LDB3: variants seen among roughly 807,000 people sequenced by gnomAD.
LDB3 encodes LIM domain binding 3.
LDB3 carries 49 observed loss-of-function variants against 69.0 expected under a neutral mutation model. That is an observed-to-expected ratio of 0.71 (90% CI 0.56 to 0.90). LDB3 has a LOEUF of 0.90. Among genes scored for constraint, LDB3 ranks in the 40% least tolerant of loss-of-function variants. The pLI, the probability that LDB3 is intolerant of heterozygous loss-of-function variation, is 0.00. For synonymous variants in LDB3, 387 were observed against 396.2 expected (o/e 0.98, Z 0.28); for missense variants, 928 against 974.1 (o/e 0.95, Z 0.63).
chr10:86,688,553 T>C (rs1402044282), intron 5 of LDB3, among the ~76,000 whole-genome samples: 1 of 152,220 alleles, frequency 6.6e-6, no homozygotes, highest in Non-Finnish European at 1.5e-5. Flanking sequence ...TCAGGGCTGC[T>C]GCTCTTCGCC....
At chr10:86,673,915 A>G (rs2803561) in intron 2 of LDB3, among the ~76,000 whole-genome samples, 101,023 of 152,114 alleles carry the variant, frequency 0.66, 33,673 homozygotes, top group East Asian at 0.78. Context: ...GGGAACTGGG[A>G]AAATAGGAGC....
chr10:86,730,485 G>C (rs954485112), intron 13 of LDB3, among the ~76,000 whole-genome samples: 5 of 152,210 alleles, frequency 3.3e-5, no homozygotes, highest in Admixed American at 6.5e-5. Flanking sequence ...AACTCAGAGG[G>C]CTACATCTGT....
chr10:86,680,467 C>A (rs1845052459), intron 4 of LDB3, among the ~76,000 whole-genome samples: 1 of 152,214 alleles, frequency 6.6e-6, no homozygotes. Context: ...GAGGGGTCAC[C>A]CTCCTGGCCA....
chr10:86,680,952 A>G (rs1319394012), intron 4 of LDB3, among the ~76,000 whole-genome samples: 1 of 152,164 alleles, frequency 6.6e-6, no homozygotes, highest in Non-Finnish European at 1.5e-5. Flanking sequence ...GCAGAGGTAG[A>G]CTGAGGGGCC....
In LDB3 at chr10:86,710,051, G is replaced by A; in HGVS notation, c.1231+1G>A. The stretch of plus-strand genomic sequence containing the variant: ...ATCCGGCCTTCTGTCTACCAGCCAG[G>A]TAAGAGGCAGAGCAGGAGGGGAGGC... On this transcript the variant is annotated splice_donor_variant, in intron 9 of 13. Transcript: ENST00000361373. LOFTEE classifies it high-confidence loss of function. The A allele has an allele frequency of 6.2e-7, 1 of 1,612,532 alleles. No individual in the cohort carries two copies. The highest frequency in any genetic ancestry group is 8.5e-7 in the Non-Finnish European group (1 of 1,179,964).
intron 7 of LDB3, among the ~76,000 whole-genome samples, chr10:86,705,226 A>T (rs1259939420): frequency 6.6e-6 from 1 of 152,204 alleles, no homozygotes; most frequent in Non-Finnish European, 1.5e-5. Context: ...GATAAGTTGT[A>T]GGACCTTGAG....
At chr10:86,703,270 C>T (rs921024281) in intron 7 of LDB3, among the ~76,000 whole-genome samples, 3 of 152,216 alleles carry the variant, frequency 2.0e-5, no homozygotes, top group African/African-American at 7.2e-5. Flanking sequence ...CCGTCCCAGG[C>T]CATACCTGCC....
chr10:86,716,168 G>A (rs989874833), intron 9 of LDB3, among the ~76,000 whole-genome samples, 159 bp from the exon 10 acceptor site: 2 of 152,068 alleles, frequency 1.3e-5, no homozygotes, highest in Non-Finnish European at 2.9e-5. Context: ...TTCAAATCTG[G>A]GCCATCAAGA....
intron 10 of LDB3, 40 bp downstream of exon 10, chr10:86,716,811 G>T: frequency 1.3e-6 from 2 of 1,563,342 alleles, no homozygotes; most frequent in East Asian, 4.8e-5. Context: ...GCACTGGAAG[G>T]GCGTGTGTGT....
intron 5 of LDB3, among the ~76,000 whole-genome samples, chr10:86,683,747 C>T (rs914366094): frequency 6.6e-6 from 1 of 152,192 alleles, no homozygotes; most frequent in Non-Finnish European, 1.5e-5. Context: ...TGGCCTAGGG[C>T]AACCTCTGCT....
At chr10:86,680,337 T>A (rs1394332672) in intron 4 of LDB3, among the ~76,000 whole-genome samples, 180 bp downstream of exon 4, 1 of 152,220 alleles carries the variant, frequency 6.6e-6, no homozygotes, top group African/African-American at 2.4e-5. Context: ...TGGGAGAGAC[T>A]TTCAAGCCCC....
At chr10:86,678,081 G>A (rs1419037724) in intron 2 of LDB3, among the ~76,000 whole-genome samples, 1 of 152,124 alleles carries the variant, frequency 6.6e-6, no homozygotes, top group Admixed American at 6.5e-5. Context: ...TCTCACCCAG[G>A]CTGGAGTGCA....
intron 5 of LDB3, among the ~76,000 whole-genome samples, chr10:86,689,530 C>G (rs1288066710): frequency 1.3e-5 from 2 of 152,250 alleles, no homozygotes; most frequent in Non-Finnish European, 2.9e-5. Context: ...GCTGCAGGCC[C>G]AGGCTGGGGG....
At chr10:86,727,776 G>T (rs1847306838) in intron 13 of LDB3, among the ~76,000 whole-genome samples, 1 of 151,322 alleles carries the variant, frequency 6.6e-6, no homozygotes, top group Admixed American at 6.6e-5. Flanking sequence ...TCTCCCCTCT[G>T]TGTGTGTCTT....
At position 86,686,110 on chromosome 10, in the gene LDB3, T is replaced by C. The variant is rs959252873; in HGVS notation, c.689+4307T>C. ...TCTGCCCGGGGAGCGCACCTATCCATTGGAGGGAAGAGCCTCCTGTGGGTA... is the reference window on the plus strand; with the variant it reads ...TCTGCCCGGGGAGCGCACCTATCCACTGGAGGGAAGAGCCTCCTGTGGGTA... On this transcript the variant is annotated intron_variant, in intron 5 of 13. Transcript: ENST00000361373. Among the ~76,000 whole-genome samples the C allele has an allele frequency of 1.8e-4, 27 of 152,224 alleles. 1 individual carries two copies. Among genetic ancestry groups the C allele is most frequent in the Non-Finnish European group, 1.9e-4 (13 of 68,000 alleles).
chr10:86,708,598 T>C (rs1350879755), intron 8 of LDB3, among the ~76,000 whole-genome samples: 2 of 152,162 alleles, frequency 1.3e-5, no homozygotes, highest in African/African-American at 4.8e-5. Flanking sequence ...TCCTCTTCCA[T>C]GGAGACCCCT....
At chr10:86,719,060 T>C (rs1846982071) in intron 12 of LDB3, among the ~76,000 whole-genome samples, 1 of 152,168 alleles carries the variant, frequency 6.6e-6, no homozygotes, top group African/African-American at 2.4e-5. Flanking sequence ...GTTGCAGCTT[T>C]GGGGAGAGTG....
At chr10:86,720,830 A>C (rs1847057481) in intron 12 of LDB3, among the ~76,000 whole-genome samples, 2 of 152,212 alleles carry the variant, frequency 1.3e-5, no homozygotes, top group African/African-American at 4.8e-5. Context: ...GAGTAAGAAG[A>C]TCCAGGAAGA....
rs574895112 is a variant in LDB3, at chr10:86,716,685, A to G, written c.1590A>G (p.Pro530=). The G allele has an allele frequency of 6.2e-7, 1 of 1,613,788 alleles. No individual in the cohort carries two copies. Among genetic ancestry groups the G allele is most frequent in the African/African-American group, 1.3e-5 (1 of 75,000 alleles). Residue 530 remains proline, a synonymous_variant, in exon 10 of 14, where the codon CCA becomes CCG. Coordinates refer to ENST00000361373, the MANE Select transcript of LDB3 (RefSeq NM_007078.3). Reference sequence around the variant, plus strand: ...CCCCAGCGGGTCCTCAGGTGCCACCACTTGCCAGGGGGACCGTCCAGAGGG... The same window carrying G: ...CCCCAGCGGGTCCTCAGGTGCCACCGCTTGCCAGGGGGACCGTCCAGAGGG... The part of the protein sequence containing the change: ...AYTPAGPQVP[P]LARGTVQRAE...
Sources: allele counts gnomAD v4.1 joint callset (sites outside exome capture counted in the v4.1 genomes callset), GRCh38; gene constraint gnomAD v4.1.1; transcripts MANE v1.5; gene names NCBI Gene and HGNC (gene_info 2026-07-23, HGNC 2026-07-21).